PGR: variants seen among roughly 807,000 people sequenced by gnomAD.
PGR encodes nuclear receptor subfamily 3 group C member 3.
Under a neutral mutation model 76.1 loss-of-function variants are expected in PGR, and 25 were observed. The ratio of observed to expected loss-of-function variants is 0.33; its 90% CI spans 0.24 to 0.46. The LOEUF is 0.46. PGR is among the 20% of genes least tolerant of loss of function. The pLI, the probability that PGR is intolerant of heterozygous loss-of-function variation, is 1.00. For synonymous variants in PGR, 579 were observed against 535.0 expected (o/e 1.08, Z -1.14); for missense variants, 1,172 against 1,225.3 (o/e 0.96, Z 0.65).
At chr11:101,115,538 A>G (rs997078090) in intron 2 of PGR, among the ~76,000 whole-genome samples, 1 of 152,104 alleles carries the variant, frequency 6.6e-6, no homozygotes, top group Non-Finnish European at 1.5e-5. Context: ...TTGGGATGCC[A>G]AGGTGGGAGG....
At chr11:101,072,547 G>A (rs992699359) in intron 3 of PGR, among the ~76,000 whole-genome samples, 1 of 152,152 alleles carries the variant, frequency 6.6e-6, no homozygotes, top group Admixed American at 6.5e-5. Context: ...TGGATAAAGA[G>A]TCAAGACCCA....
At chr11:101,064,501 A>C (rs767226341) in intron 3 of PGR, among the ~76,000 whole-genome samples, 2 of 152,092 alleles carry the variant, frequency 1.3e-5, no homozygotes, top group Non-Finnish European at 2.9e-5. Context: ...GGAATGAGTC[A>C]CAAAGGGAAG....
In PGR at chr11:101,127,978, G is replaced by A. The variant is rs1862932546; in HGVS notation, c.1093C>T (p.Pro365Ser). Residue 365 changes from proline to serine, a missense_variant, in exon 1 of 8, where the codon CCC (proline) becomes TCC (serine). Coordinates refer to ENST00000325455, the MANE Select transcript of PGR (RefSeq NM_000926.4). ...GCGTCGTCCTTGGGCTCGGCGTCGG[G>A]CGGGTACGCGCAGTCGGGGAAGTCG... is the stretch of plus-strand genomic sequence containing the variant. ...VGDFPDCAYPPDAEPKDDAYP... is the reference protein window; with the variant it reads ...VGDFPDCAYPSDAEPKDDAYP... 6.2e-7 allele frequency: 1 copy of A among 1,611,920 alleles called. No individual in the cohort carries two copies. Among genetic ancestry groups the A allele is most frequent in the African/African-American group, 1.3e-5 (1 of 74,910 alleles).
At chr11:101,052,418 T>C (rs1457604744) in intron 4 of PGR, among the ~76,000 whole-genome samples, 1 of 151,916 alleles carries the variant, frequency 6.6e-6, no homozygotes, top group Non-Finnish European at 1.5e-5. Flanking sequence ...GGCAAATGAA[T>C]CTTGACTTAA....
chr11:101,116,739 CAA>C lies in PGR; in HGVS notation c.1789+9266_1789+9267del, dbSNP rs11300466. ...TGGGTGACAGAGCTAGATTCCACCT[CAA>C]AAAAAAAAAAAAAAAAAAAAAGACC... On this transcript the variant is annotated intron_variant, in intron 2 of 7. Transcript: ENST00000325455. Among the ~76,000 whole-genome samples, 607 of 68,974 alleles carry C rather than the reference CAA, an allele frequency of 8.8e-3. 2 individuals carry two copies. The highest frequency in any genetic ancestry group is 0.024 in the African/African-American group (407 of 17,060). The allele number at this position is 68,974 out of a possible 152,430, so 45.2% of individuals were successfully genotyped here.
In PGR at chr11:101,031,590, CTTTTT is replaced by C. The variant is rs760929776; in HGVS notation, c.*7521_*7525del. On this transcript the variant is annotated 3_prime_UTR_variant, in exon 8 of 8. Coordinates refer to ENST00000325455, the MANE Select transcript of PGR (RefSeq NM_000926.4). ...TCACAATGTTCTACTGAGAATTTAG[CTTTTT>C]TTTTTTTTTTGGAGTGGGTATACCA... 1.6e-5 allele frequency: 3 copies of C among 186,396 alleles called. No individual in the cohort carries two copies. The highest frequency in any genetic ancestry group is 7.9e-5 in the East Asian group (1 of 12,638). 11.5% of individuals were successfully genotyped at this position (186,396 alleles called of 1,614,324 possible).
intron 4 of PGR, among the ~76,000 whole-genome samples, chr11:101,060,528 T>C (rs1327025737): frequency 6.6e-6 from 1 of 152,198 alleles, no homozygotes; most frequent in South Asian, 2.1e-4. Flanking sequence ...TCAATTGAAA[T>C]CAGTTTTAAG....
chr11:101,029,677 A>G lies in PGR; in HGVS notation c.*9439T>C, dbSNP rs1242176897. 1 of 200,326 alleles carries G rather than the reference A, an allele frequency of 5.0e-6. No individual in the cohort carries two copies. The highest frequency in any genetic ancestry group is 1.0e-5 in the Non-Finnish European group (1 of 97,278). The allele number at this position is 200,326 out of a possible 1,614,324, so 12.4% of individuals were successfully genotyped here. A position where few individuals can be genotyped will look rare whatever the true frequency, so the allele number is the denominator to read the frequency against. Reference sequence around the variant, plus strand: ...ACAGAATAACAAGAATTAGAGTTAAATTCACAATATTTTTAAAGAAAACAT... The same window carrying G: ...ACAGAATAACAAGAATTAGAGTTAAGTTCACAATATTTTTAAAGAAAACAT... On this transcript the variant is annotated 3_prime_UTR_variant, in exon 8 of 8. Transcript: ENST00000325455.
At chr11:101,126,453 CTCTT>C (rs746854436) in intron 1 of PGR, among the ~76,000 whole-genome samples, 2 of 152,304 alleles carry the variant, frequency 1.3e-5, no homozygotes, top group East Asian at 3.9e-4. Context: ...TTCTACAAAA[CTCTT>C]TATATAGAAA....
intron 2 of PGR, among the ~76,000 whole-genome samples, chr11:101,110,622 A>C (rs1862316045): frequency 6.6e-6 from 1 of 152,210 alleles, no homozygotes; most frequent in Non-Finnish European, 1.5e-5. Context: ...TGTTGAAATG[A>C]CAACAAAAGA....
chr11:101,060,894 G>A (rs1224953807), intron 4 of PGR, among the ~76,000 whole-genome samples: 1 of 152,100 alleles, frequency 6.6e-6, no homozygotes, highest in Non-Finnish European at 1.5e-5. Flanking sequence ...AAAAAGTCCT[G>A]ATAGATAACG....
chr11:101,108,844 A>G (rs1403061806), intron 2 of PGR, among the ~76,000 whole-genome samples: 1 of 152,216 alleles, frequency 6.6e-6, no homozygotes, highest in Non-Finnish European at 1.5e-5. Context: ...CAAATATTGT[A>G]TGTTTTACAA....
intron 3 of PGR, among the ~76,000 whole-genome samples, chr11:101,086,481 A>G (rs1050501735): frequency 2.0e-5 from 3 of 152,180 alleles, no homozygotes; most frequent in Non-Finnish European, 4.4e-5. Flanking sequence ...CACAACCAAT[A>G]TCAGACTGAA....
At chr11:101,091,040 CG>C (rs1428708979) in intron 3 of PGR, among the ~76,000 whole-genome samples, 1 of 152,130 alleles carries the variant, frequency 6.6e-6, no homozygotes, top group Non-Finnish European at 1.5e-5. Flanking sequence ...GTAAAAGCTA[CG>C]ATTCCCAGAC....
At chr11:101,110,234 C>T (rs1037846260) in intron 2 of PGR, among the ~76,000 whole-genome samples, 2 of 152,148 alleles carry the variant, frequency 1.3e-5, no homozygotes, top group Non-Finnish European at 2.9e-5. Context: ...GCTACAGCTG[C>T]CATAGATTGT....
chr11:101,087,053 A>G (rs185756445), intron 3 of PGR, among the ~76,000 whole-genome samples: 2 of 152,344 alleles, frequency 1.3e-5, no homozygotes, highest in East Asian at 3.9e-4. Context: ...TCAAACTACC[A>G]ACGACATTTT....
At position 101,031,817 on chromosome 11, in the gene PGR, G is replaced by A. The variant is rs993965804; in HGVS notation, c.*7299C>T. 17 of 228,714 alleles carry A rather than the reference G, an allele frequency of 7.4e-5. No individual in the cohort carries two copies. The highest frequency in any genetic ancestry group is 2.6e-3 in the Middle Eastern group (2 of 768). 14.2% of individuals were successfully genotyped at this position (228,714 alleles called of 1,614,324 possible). Reference sequence around the variant, plus strand: ...TGGATTCATACCATCAAATACCTATGAGTTAGGTGAATTCCTCTCGAGGTT... The same window carrying A: ...TGGATTCATACCATCAAATACCTATAAGTTAGGTGAATTCCTCTCGAGGTT... On this transcript the variant is annotated 3_prime_UTR_variant, in exon 8 of 8. Coordinates refer to ENST00000325455, the MANE Select transcript of PGR (RefSeq NM_000926.4).
intron 3 of PGR, among the ~76,000 whole-genome samples, chr11:101,076,885 A>G (rs927719966): frequency 8.1e-6 from 1 of 123,592 alleles, no homozygotes; most frequent in Admixed American, 7.7e-5. Flanking sequence ...TAATTTTTCT[A>G]TATCTTTACT....
Position 101,031,687 on chromosome 11 carries a change from C to G in PGR, c.*7429G>C. On this transcript the variant is annotated 3_prime_UTR_variant, in exon 8 of 8. Coordinates refer to ENST00000325455, the MANE Select transcript of PGR (RefSeq NM_000926.4). Reference sequence around the variant, plus strand: ...ATGACATCATTATTTGTATACAATGCAGCAAGAATTTTGTTTTTAATGTAG... The same window carrying G: ...ATGACATCATTATTTGTATACAATGGAGCAAGAATTTTGTTTTTAATGTAG... 4.5e-6 allele frequency: 1 copy of G among 221,142 alleles called. No individual in the cohort carries two copies. The highest frequency in any genetic ancestry group is 5.8e-5 in the Admixed American group (1 of 17,282). 13.7% of individuals were successfully genotyped at this position (221,142 alleles called of 1,614,324 possible). A position where few individuals can be genotyped will look rare whatever the true frequency, so the allele number is the denominator to read the frequency against.
Sources: gnomAD v4.1 joint callset for allele counts (sites outside exome capture counted in the v4.1 genomes callset) on GRCh38, gnomAD v4.1.1 for gene constraint, MANE v1.5 for transcripts, NCBI Gene and HGNC (gene_info 2026-07-23, HGNC 2026-07-21) for gene names.